Variants in MGST3 observed in about 807,000 individuals in gnomAD.
MGST3 encodes the protein microsomal glutathione S-transferase 3.
MGST3 carries 13 observed loss-of-function variants against 15.8 expected under a neutral mutation model. That is an observed-to-expected ratio of 0.82 (90% CI 0.54 to 1.31). The LOEUF is 1.31. Ranked by LOEUF, MGST3 falls within the 50% of genes most tolerant of loss-of-function variation. MGST3 has a pLI of 0.00. For synonymous variants in MGST3, 49 were observed against 68.1 expected, an observed-to-expected ratio of 0.72 and a Z score of 1.38; for missense variants, 155 against 192.4, an observed-to-expected ratio of 0.81 and a Z score of 1.15.
At chr1:165,652,853 G>T (rs1648602198) in intron 4 of MGST3, among the ~76,000 whole-genome samples, 1 of 152,182 alleles carries the variant, frequency 6.6e-6, no homozygotes, top group Non-Finnish European at 1.5e-5. Flanking sequence ...TGGAGATTTA[G>T]TCTGCACTTA....
chr1:165,639,672 A>G (rs1037215018), intron 1 of MGST3, among the ~76,000 whole-genome samples: 3 of 152,068 alleles, frequency 2.0e-5, no homozygotes, highest in Non-Finnish European at 4.4e-5. Context: ...GTGTAGTGAC[A>G]TGTGCCTGTG....
At chr1:165,638,058 G>A (rs1648161983) in intron 1 of MGST3, among the ~76,000 whole-genome samples, 1 of 152,082 alleles carries the variant, frequency 6.6e-6, no homozygotes, top group Non-Finnish European at 1.5e-5. Flanking sequence ...CCTATACCCT[G>A]CTTGCTTCAA....
intron 1 of MGST3, chr1:165,648,965 T>C (rs1215383436): frequency 6.6e-6 from 1 of 152,244 alleles, no homozygotes; most frequent in East Asian, 1.9e-4. Context: ...CAGATCAGGG[T>C]AACTCTCCTA....
chr1:165,636,423 T>C (rs1648115683), intron 1 of MGST3, among the ~76,000 whole-genome samples: 1 of 152,146 alleles, frequency 6.6e-6, no homozygotes, highest in Non-Finnish European at 1.5e-5. Context: ...CGTATATACA[T>C]TGTGTAATGA....
intron 1 of MGST3, among the ~76,000 whole-genome samples, chr1:165,644,428 T>C (rs969454701): frequency 3.8e-4 from 58 of 152,156 alleles, no homozygotes; most frequent in African/African-American, 1.4e-3. Context: ...AGTAACAATA[T>C]GGTATAAAAG....
intron 1 of MGST3, among the ~76,000 whole-genome samples, chr1:165,632,945 C>T (rs1031304149): frequency 6.6e-6 from 1 of 152,208 alleles, no homozygotes; most frequent in Admixed American, 6.5e-5. Flanking sequence ...AATTCAGTGC[C>T]TACTGCACAT....
chr1:165,636,298 C>T (rs189611648), intron 1 of MGST3, among the ~76,000 whole-genome samples: 10 of 152,282 alleles, frequency 6.6e-5, no homozygotes, highest in Admixed American at 5.2e-4. Flanking sequence ...ACCTCAGCCT[C>T]CCAAGTAGCA....
At chr1:165,643,988 G>A (rs1571151622) in intron 1 of MGST3, among the ~76,000 whole-genome samples, 1 of 151,462 alleles carries the variant, frequency 6.6e-6, no homozygotes, top group South Asian at 2.1e-4. Flanking sequence ...AGCCCAGAAG[G>A]TCAAGGCTGC....
Position 165,651,974 on chromosome 1 carries a change from C to T in MGST3, c.192-4C>T. The T allele has an allele frequency of 6.2e-7, 1 of 1,609,654 alleles. No homozygotes were observed. The highest frequency in any genetic ancestry group is 2.2e-5 in the East Asian group (1 of 44,672). ...TTTTAAAAGTTTCTTTCTGTCAATT[C>T]CAGGTTGGAAGTGTATCCTCCCTTC... On this transcript the variant is annotated splice_region_variant and splice_polypyrimidine_tract_variant and intron_variant, in intron 3 of 5. Transcript: ENST00000367889.
chr1:165,637,860 T>C (rs1648151480), intron 1 of MGST3, among the ~76,000 whole-genome samples: 2 of 152,308 alleles, frequency 1.3e-5, no homozygotes, highest in South Asian at 4.2e-4. Flanking sequence ...ACTGAAACTT[T>C]GCAAATGTGT....
At chr1:165,645,976 C>A (rs923115973) in intron 1 of MGST3, 4 of 152,178 alleles carry the variant, frequency 2.6e-5, no homozygotes, top group African/African-American at 7.2e-5. Flanking sequence ...GTGTATCTAG[C>A]ACTACGTAGA....
rs1049414730 is a variant in MGST3, at chr1:165,655,421, G to A, written c.376G>A (p.Val126Met). Reference sequence around the variant, plus strand: ...GGGGTCCATCGCCCTCCTGGGCTTGGTGGGCACAACTGTGTGCTCTGCTTT... The same window carrying A: ...GGGGTCCATCGCCCTCCTGGGCTTGATGGGCACAACTGTGTGCTCTGCTTT... ...ALGSIALLGL[V>M]GTTVCSAFQH... is the part of the protein sequence containing the mutation. Residue 126 changes from valine (V) to methionine (M), a missense_variant, in exon 6 of 6, where the codon GTG becomes ATG. Transcript: ENST00000367889. 11 of 1,613,958 alleles carry A rather than the reference G, an allele frequency of 6.8e-6. No individual in the cohort carries two copies. The highest frequency in any genetic ancestry group is 2.2e-5 in the East Asian group (1 of 44,890).
chr1:165,633,556 C>G (rs574427429), intron 1 of MGST3, among the ~76,000 whole-genome samples: 2 of 151,992 alleles, frequency 1.3e-5, no homozygotes, highest in South Asian at 4.2e-4. Context: ...GCAATGGGAG[C>G]GGTTGTACCA....
intron 1 of MGST3, among the ~76,000 whole-genome samples, chr1:165,633,234 C>G (rs1229701894): frequency 6.6e-6 from 1 of 152,166 alleles, no homozygotes; most frequent in Non-Finnish European, 1.5e-5. Context: ...TCTTACAGTA[C>G]CTACCTGCCT....
At chr1:165,632,057 T>G (rs1026832432) in intron 1 of MGST3, 3 of 587,302 alleles carry the variant, frequency 5.1e-6, no homozygotes, top group Admixed American at 5.7e-5. Flanking sequence ...GACTCCTTAG[T>G]GAGTCATTCC....
intron 5 of MGST3, among the ~76,000 whole-genome samples, chr1:165,654,930 A>G (rs1648668554): frequency 6.6e-6 from 1 of 152,198 alleles, no homozygotes; most frequent in Admixed American, 6.5e-5. Context: ...CAAATTAGGA[A>G]ACTGGGACTC....
At chr1:165,652,970 C>G (rs2297765) in intron 4 of MGST3, among the ~76,000 whole-genome samples, 1 of 151,988 alleles carries the variant, frequency 6.6e-6, no homozygotes, top group Non-Finnish European at 1.5e-5. Context: ...TCTCCTGAAA[C>G]CAAGTTCTGA....
At chr1:165,652,183 G>A in intron 4 of MGST3, 148 bp downstream of exon 4, 5 of 721,536 alleles carry the variant, frequency 6.9e-6, no homozygotes, top group South Asian at 6.2e-5. Context: ...ATTTCTTACA[G>A]AGTTCTTTAA....
At chr1:165,633,454 A>AT (rs1246946861) in intron 1 of MGST3, among the ~76,000 whole-genome samples, 6 of 151,134 alleles carry the variant, frequency 4.0e-5, no homozygotes, top group Non-Finnish European at 8.9e-5. Flanking sequence ...ATTTTTTTTT[A>AT]TTTTTTTAAA....
Sources: gnomAD v4.1 joint callset for allele counts (sites outside exome capture counted in the v4.1 genomes callset) on GRCh38, gnomAD v4.1.1 for gene constraint, MANE v1.5 for transcripts, NCBI Gene and HGNC (gene_info 2026-07-23, HGNC 2026-07-21) for gene names.